The following GRM7 variants were observed in gnomAD, a reference collection of about 807,000 sequenced individuals.
The protein encoded by GRM7 is metabotropic glutamate receptor 7.
In GRM7, 35 loss-of-function variants were observed where a neutral mutation model predicts 84.5. The observed-to-expected ratio is 0.41, with a 90% CI of 0.32 to 0.55. The LOEUF is 0.55. Ranked by LOEUF, GRM7 falls within the 20% of genes least tolerant of loss-of-function variation. The pLI, the probability that GRM7 is intolerant of heterozygous loss-of-function variation, is 0.19. For synonymous variants in GRM7, 487 were observed against 455.1 expected (o/e 1.07, Z -0.89); for missense variants, 1,003 against 1,194.6 (o/e 0.84, Z 2.36).
chr3:7,615,097 C>A (rs967352830), intron 8 of GRM7, among the ~76,000 whole-genome samples: 5 of 152,004 alleles, frequency 3.3e-5, no homozygotes. Context: ...AAGTAATATG[C>A]CTTTTTTTCT....
chr3:7,082,287 G>A (rs1399619128), intron 1 of GRM7, among the ~76,000 whole-genome samples: 1 of 151,998 alleles, frequency 6.6e-6, no homozygotes, highest in Admixed American at 6.6e-5. Context: ...AAATCTTGGG[G>A]TCCTTAAGAA....
At chr3:7,293,034 C>CAAAAAAAAAAAAAAAAAA (rs142561309) in intron 2 of GRM7, among the ~76,000 whole-genome samples, 1 of 120,614 alleles carries the variant, frequency 8.3e-6, no homozygotes, top group African/African-American at 3.1e-5. Flanking sequence ...GACTTGGTCT[C>CAAAAAAAAAAAAAAAAAA]AAAAAAAAAA....
chr3:6,869,503 G>T (rs969819122), intron 1 of GRM7, among the ~76,000 whole-genome samples: 5 of 152,000 alleles, frequency 3.3e-5, no homozygotes, highest in African/African-American at 1.2e-4. Context: ...TAGTAGTTAT[G>T]CTGGATTACA....
At chr3:6,883,172 C>T (rs975513045) in intron 1 of GRM7, among the ~76,000 whole-genome samples, 2 of 152,110 alleles carry the variant, frequency 1.3e-5, no homozygotes, top group South Asian at 2.1e-4. Context: ...TGAGATTAAA[C>T]TTATTTTAAT....
chr3:7,301,396 AT>A (rs1262648826), intron 3 of GRM7, among the ~76,000 whole-genome samples: 1 of 152,192 alleles, frequency 6.6e-6, no homozygotes, highest in Non-Finnish European at 1.5e-5. Context: ...ACTTTAAAAA[AT>A]ATCTGCTAAT....
intron 9 of GRM7, among the ~76,000 whole-genome samples, chr3:7,737,047 C>T (rs900838457): frequency 2.8e-4 from 42 of 152,216 alleles, no homozygotes; most frequent in African/African-American, 9.9e-4. Context: ...TTCTTCACTT[C>T]CTTGAATCTG....
At chr3:6,969,974 A>G (rs781392) in intron 1 of GRM7, among the ~76,000 whole-genome samples, 141,939 of 152,282 alleles carry the variant, frequency 0.93, 66,270 homozygotes, top group East Asian at 1. Flanking sequence ...CCTAAGACCT[A>G]GAGGCAATTT....
intron 1 of GRM7, among the ~76,000 whole-genome samples, chr3:6,914,103 A>G (rs1430967607): frequency 1.3e-5 from 2 of 152,158 alleles, no homozygotes; most frequent in Non-Finnish European, 2.9e-5. Context: ...CTCTGCCTAG[A>G]AAATTCCTTC....
chr3:7,196,956 T>C (rs530593847), intron 2 of GRM7, among the ~76,000 whole-genome samples: 1 of 152,286 alleles, frequency 6.6e-6, no homozygotes, highest in East Asian at 1.9e-4. Context: ...ACATTCTTTT[T>C]AATCAGGGGC....
intron 9 of GRM7, among the ~76,000 whole-genome samples, chr3:7,724,866 G>C (rs985736323): frequency 1.3e-5 from 2 of 152,152 alleles, no homozygotes; most frequent in Non-Finnish European, 2.9e-5. Flanking sequence ...GAGCTCACTC[G>C]ATCCTCCTGC....
intron 1 of GRM7, among the ~76,000 whole-genome samples, chr3:7,007,057 A>G (rs1695201987): frequency 6.6e-6 from 1 of 152,212 alleles, no homozygotes; most frequent in South Asian, 2.1e-4. Context: ...TAGGCTGAAT[A>G]TATTGGTTCA....
intron 1 of GRM7, among the ~76,000 whole-genome samples, chr3:7,043,855 C>T (rs1386422493): frequency 1.3e-5 from 2 of 152,198 alleles, no homozygotes; most frequent in African/African-American, 4.8e-5. Context: ...CAGCACCCTG[C>T]TCCGCCTCCC....
intron 1 of GRM7, among the ~76,000 whole-genome samples, chr3:6,883,009 C>G (rs2124966525): frequency 6.6e-6 from 1 of 152,280 alleles, no homozygotes; most frequent in East Asian, 1.9e-4. Context: ...AAGAGTTGCA[C>G]TACCTTACCT....
chr3:7,468,571 A>G (rs1035460049), intron 7 of GRM7, among the ~76,000 whole-genome samples: 1 of 152,294 alleles, frequency 6.6e-6, no homozygotes. Flanking sequence ...AATAACAATA[A>G]TTTCACATCC....
intron 4 of GRM7, among the ~76,000 whole-genome samples, chr3:7,360,840 C>G (rs1693629664): frequency 6.6e-6 from 1 of 152,040 alleles, no homozygotes; most frequent in African/African-American, 2.4e-5. Context: ...CAAGTTTGAT[C>G]TTCTTTTCTT....
intron 1 of GRM7, among the ~76,000 whole-genome samples, chr3:7,127,136 C>G (rs1438737558): frequency 6.6e-6 from 1 of 152,224 alleles, no homozygotes; most frequent in Non-Finnish European, 1.5e-5. Flanking sequence ...ATCTGACACT[C>G]TTCTTCCAGA....
At chr3:6,868,651 T>C (rs553233620) in intron 1 of GRM7, among the ~76,000 whole-genome samples, 7 of 152,322 alleles carry the variant, frequency 4.6e-5, no homozygotes, top group South Asian at 2.1e-4. Context: ...CCACCCTTTC[T>C]ACAAACCTCA....
intron 2 of GRM7, among the ~76,000 whole-genome samples, chr3:7,149,471 G>A (rs1694211601): frequency 6.6e-6 from 1 of 152,034 alleles, no homozygotes. Flanking sequence ...TTATCTATTG[G>A]AATTTCTGGG....
At chr3:7,514,528 C>A (rs954302680) in intron 7 of GRM7, among the ~76,000 whole-genome samples, 19 of 152,058 alleles carry the variant, frequency 1.2e-4, no homozygotes, top group Admixed American at 2.0e-4. Context: ...TCTAAAATGC[C>A]CATGTGGAAT....
Sources: allele counts gnomAD v4.1 joint callset (sites outside exome capture counted in the v4.1 genomes callset), GRCh38; gene constraint gnomAD v4.1.1; transcripts MANE v1.5; gene names NCBI Gene and HGNC (gene_info 2026-07-23, HGNC 2026-07-21).